The following SMARCAD1 variants were observed in gnomAD, a reference collection of about 807,000 sequenced individuals.
SMARCAD1 encodes SWI/SNF-related matrix-associated actin-dependent regulator of chromatin subfamily A containing DEAD/H box 1.
A neutral mutation model predicts 127.1 loss-of-function variants in SMARCAD1; 25 were observed. That is an observed-to-expected ratio of 0.20 (90% confidence interval 0.14 to 0.27). The LOEUF (loss-of-function observed/expected upper bound fraction) is 0.27, where lower values mean the gene tolerates loss of function less well. Ranked by LOEUF, SMARCAD1 falls within the 10% of genes least tolerant of loss-of-function variation. The pLI, the probability that SMARCAD1 is intolerant of heterozygous loss-of-function variation, is 1.00. For missense variants in SMARCAD1, 807 were observed against 1,206.0 expected, an observed-to-expected ratio of 0.67 and a Z score of 4.90; for synonymous variants, 400 against 396.9, an observed-to-expected ratio of 1.01 and a Z score of -0.09.
At chr4:94,245,486 A>T (rs1748271227) in intron 6 of SMARCAD1, among the ~76,000 whole-genome samples, 1 of 152,210 alleles carries the variant, frequency 6.6e-6, no homozygotes, top group Non-Finnish European at 1.5e-5. Context: ...TAAAAGGAGG[A>T]GGCTGGCAAC....
chr4:94,266,960 TTAAAA>T (rs1445685399), intron 10 of SMARCAD1, among the ~76,000 whole-genome samples: 3 of 152,298 alleles, frequency 2.0e-5, no homozygotes, highest in South Asian at 2.1e-4. Context: ...TTTAAATTGT[TTAAAA>T]TATAATACAG....
chr4:94,234,512 T>C (rs1241649416), intron 4 of SMARCAD1, among the ~76,000 whole-genome samples: 4 of 152,188 alleles, frequency 2.6e-5, no homozygotes, highest in Admixed American at 6.5e-5. Flanking sequence ...CTAAACACCC[T>C]GCAGTACTAA....
intron 2 of SMARCAD1, among the ~76,000 whole-genome samples, chr4:94,223,360 G>T (rs926410333): frequency 6.6e-6 from 1 of 151,908 alleles, no homozygotes; most frequent in East Asian, 2.0e-4. Context: ...AGGTGTGGTG[G>T]TGGGCGCCTG....
At chr4:94,285,606 G>A (rs915884058) in intron 23 of SMARCAD1, among the ~76,000 whole-genome samples, 1 of 152,126 alleles carries the variant, frequency 6.6e-6, no homozygotes, top group Non-Finnish European at 1.5e-5. Context: ...GACAGACACT[G>A]TTATGTCTGT....
chr4:94,240,448 G>A (rs1163787315), intron 5 of SMARCAD1, among the ~76,000 whole-genome samples: 3 of 152,156 alleles, frequency 2.0e-5, no homozygotes, highest in Admixed American at 6.5e-5. Context: ...GTAGGTTTGT[G>A]TGTGAAAAGT....
chr4:94,278,593 T>C, intron 17 of SMARCAD1, 23 bp from the exon 18 acceptor site: 1 of 1,613,068 alleles, frequency 6.2e-7, no homozygotes, highest in South Asian at 1.1e-5. Context: ...AATGATTATC[T>C]TAAACTGTTT....
intron 10 of SMARCAD1, chr4:94,270,458 G>A (rs952659639): frequency 5.8e-6 from 2 of 345,724 alleles, no homozygotes; most frequent in African/African-American, 2.1e-5. Flanking sequence ...AATCATTTAT[G>A]GAATTAATTT....
At chr4:94,285,178 A>T in intron 23 of SMARCAD1, 109 bp downstream of exon 23, 2 of 728,752 alleles carry the variant, frequency 2.7e-6, no homozygotes, top group Non-Finnish European at 4.9e-6. Context: ...CTTACAGTTT[A>T]GGGATGATGT....
At chr4:94,248,439 TGTC>T (rs1335986701) in intron 6 of SMARCAD1, 6 of 455,974 alleles carry the variant, frequency 1.3e-5, no homozygotes, top group Non-Finnish European at 2.2e-5. Flanking sequence ...AGCTGGTTGT[TGTC>T]CATCTGTGAG....
At chr4:94,225,384 C>T (rs921435452) in intron 2 of SMARCAD1, among the ~76,000 whole-genome samples, 1 of 152,120 alleles carries the variant, frequency 6.6e-6, no homozygotes, top group Non-Finnish European at 1.5e-5. Context: ...ATAAGGACAT[C>T]AGTCATATTG....
chr4:94,272,190 C>T (rs1752630537), intron 11 of SMARCAD1, among the ~76,000 whole-genome samples: 1 of 152,196 alleles, frequency 6.6e-6, no homozygotes, highest in African/African-American at 2.4e-5. Flanking sequence ...GTTCAGGCCC[C>T]ACACTTATGA....
rs111497247 is a variant in SMARCAD1 at position 94,270,363 on chromosome 4, T to C, written c.1482-365T>C. On this transcript the variant is annotated intron_variant, in intron 10 of 23. Coordinates refer to ENST00000354268, the MANE Select transcript of SMARCAD1 (RefSeq NM_020159.5). ...TTTGTCCTAATACTTTTAAGTTCTTTAATGTGCTAAAAATCAAATCAACAC... is the reference window on the plus strand; with the variant it reads ...TTTGTCCTAATACTTTTAAGTTCTTCAATGTGCTAAAAATCAAATCAACAC... Among the ~76,000 whole-genome samples the C allele has an allele frequency of 1.1e-3, 173 of 152,272 alleles. 3 individuals are homozygous for C. The Middle Eastern group carries it at 0.017, about 15-fold the overall frequency.
chr4:94,282,921 T>C (rs1754315087), intron 21 of SMARCAD1, among the ~76,000 whole-genome samples, 200 bp from the exon 22 acceptor site: 3 of 152,088 alleles, frequency 2.0e-5, no homozygotes, highest in Admixed American at 2.0e-4. Context: ...TAAGAGTTGG[T>C]AGGGGTAGCA....
intron 9 of SMARCAD1, among the ~76,000 whole-genome samples, chr4:94,256,026 A>G (rs1750021605): frequency 6.6e-6 from 1 of 152,192 alleles, no homozygotes; most frequent in Admixed American, 6.5e-5. Context: ...AATTTCACAC[A>G]TTTGATGGCA....
rs112344982 is a variant in SMARCAD1, at chr4:94,215,454, C to A, written c.190+6870C>A. Among the ~76,000 whole-genome samples the A allele has an allele frequency of 9.2e-3, 1,399 of 152,052 alleles. 16 individuals carry two copies. The highest frequency in any genetic ancestry group is 0.031 in the African/African-American group (1,302 of 41,462). ...TGGGCAATGTAGTGAGACCCTGTCT[C>A]TACAAAAAATGAAAAAATTAGTCAG... On this transcript the variant is annotated intron_variant, in intron 2 of 23. Transcript: ENST00000354268.
At position 94,240,901 on chromosome 4, in the gene SMARCAD1, A is replaced by C. The variant is rs771414110; in HGVS notation, c.605-5A>C. 6.2e-7 allele frequency: 1 copy of C among 1,608,698 alleles called. No homozygotes were observed. ...AAGTTTGAGTGTGCTGCTCTGCTTT[A>C]AAAGGTGGTGGGCCCAGGAAAAGAA... is the stretch of plus-strand genomic sequence containing the variant. On this transcript the variant is annotated splice_region_variant and splice_polypyrimidine_tract_variant and intron_variant, in intron 5 of 23. Coordinates refer to ENST00000354268, the MANE Select transcript of SMARCAD1 (RefSeq NM_020159.5).
At chr4:94,257,484 A>G (rs1350029996) in intron 9 of SMARCAD1, among the ~76,000 whole-genome samples, 1 of 152,158 alleles carries the variant, frequency 6.6e-6, no homozygotes, top group Non-Finnish European at 1.5e-5. Context: ...AAAGTTAAGT[A>G]ACTTACAGGA....
chr4:94,284,791 A>T (rs1754696407), intron 22 of SMARCAD1, among the ~76,000 whole-genome samples, 169 bp from the exon 23 acceptor site: 1 of 152,136 alleles, frequency 6.6e-6, no homozygotes, highest in Non-Finnish European at 1.5e-5. Flanking sequence ...GGAGTGTCTA[A>T]AAGTTAAATA....
chr4:94,228,353 A>G (rs1231713134), intron 3 of SMARCAD1, among the ~76,000 whole-genome samples: 3 of 152,220 alleles, frequency 2.0e-5, no homozygotes, highest in Non-Finnish European at 4.4e-5. Flanking sequence ...CAGCAATTAC[A>G]ATAACTACTG....
Sources: allele counts gnomAD v4.1 joint callset (sites outside exome capture counted in the v4.1 genomes callset), GRCh38; gene constraint gnomAD v4.1.1; transcripts MANE v1.5; gene names NCBI Gene and HGNC (gene_info 2026-07-23, HGNC 2026-07-21).